KIAA0825: variants seen among roughly 807,000 people sequenced by gnomAD.
KIAA0825 encodes KIAA0825, also known as uncharacterized protein KIAA0825.
KIAA0825 carries 119 observed loss-of-function variants against 147.6 expected under a neutral mutation model. The observed-to-expected ratio is 0.81, with a 90% CI of 0.69 to 0.94. KIAA0825 has a LOEUF of 0.94. Ranked by LOEUF, KIAA0825 falls within the 40% of genes least tolerant of loss-of-function variation. The probability of loss-of-function intolerance (pLI) is 0.00; values close to 1 mark genes in which losing one functional copy is unlikely to be tolerated. For missense variants in KIAA0825, 1,381 were observed against 1,472.7 expected (o/e 0.94, Z 1.02); for synonymous variants, 470 against 518.1 (o/e 0.91, Z 1.26).
chr5:94,237,212 G>A (rs1053957164), intron 20 of KIAA0825, among the ~76,000 whole-genome samples: 3 of 152,076 alleles, frequency 2.0e-5, no homozygotes, highest in African/African-American at 7.2e-5. Flanking sequence ...ACAATCCGTA[G>A]GTATACTTTC....
intron 18 of KIAA0825, among the ~76,000 whole-genome samples, chr5:94,388,147 A>T (rs986588780): frequency 2.6e-5 from 4 of 152,142 alleles, no homozygotes; most frequent in African/African-American, 9.7e-5. Context: ...TTAGATTCTC[A>T]TAAGGAACAC....
At chr5:94,489,222 C>T (rs138852805) in intron 5 of KIAA0825, among the ~76,000 whole-genome samples, 2 of 152,244 alleles carry the variant, frequency 1.3e-5, no homozygotes, top group East Asian at 1.9e-4. Flanking sequence ...ATTCAGTTCA[C>T]GTAGTCACAG....
chr5:94,357,921 A>T (rs1744514538), intron 20 of KIAA0825, among the ~76,000 whole-genome samples: 2 of 152,164 alleles, frequency 1.3e-5, no homozygotes, highest in Admixed American at 1.3e-4. Flanking sequence ...ATTAAAAAAA[A>T]AAAAAAGCTT....
chr5:94,243,633 T>C, intron 20 of KIAA0825, among the ~76,000 whole-genome samples: 1 of 152,298 alleles, frequency 6.6e-6, no homozygotes, highest in South Asian at 2.1e-4. Flanking sequence ...TTCCCTGAAT[T>C]ACTGTCACAT....
intron 14 of KIAA0825, among the ~76,000 whole-genome samples, chr5:94,429,614 G>A (rs2150779026): frequency 6.6e-6 from 1 of 152,254 alleles, no homozygotes; most frequent in South Asian, 2.1e-4. Flanking sequence ...GTTACCTCAG[G>A]CAATGGGTTG....
intron 6 of KIAA0825, among the ~76,000 whole-genome samples, chr5:94,482,857 C>T (rs1450683684): frequency 6.6e-6 from 1 of 152,026 alleles, no homozygotes; most frequent in African/African-American, 2.4e-5. Context: ...ATTCCTTCTA[C>T]ATCCTGTGTT....
chr5:94,608,451 G>GTATATATATAT (rs1787923524), intron 1 of KIAA0825, among the ~76,000 whole-genome samples: 1 of 4,596 alleles, frequency 2.2e-4, no homozygotes. Flanking sequence ...ATGTGTGTGT[G>GTATATATATAT]TATATATATA....
chr5:94,354,056 C>T (rs1783990613), intron 20 of KIAA0825, among the ~76,000 whole-genome samples: 1 of 152,234 alleles, frequency 6.6e-6, no homozygotes, highest in Admixed American at 6.5e-5. Flanking sequence ...CATTCCCTTT[C>T]TATTAAATTT....
intron 20 of KIAA0825, among the ~76,000 whole-genome samples, chr5:94,328,590 A>G (rs1780941693): frequency 6.6e-6 from 1 of 152,132 alleles, no homozygotes; most frequent in Non-Finnish European, 1.5e-5. Context: ...ATAAAGTCAT[A>G]TGATCAATTT....
intron 2 of KIAA0825, among the ~76,000 whole-genome samples, chr5:94,563,554 A>G (rs1363705673): frequency 6.6e-6 from 1 of 152,244 alleles, no homozygotes; most frequent in African/African-American, 2.4e-5. Context: ...TAAGTTGTAG[A>G]GAAATATTAG....
chr5:94,593,681 T>C, intron 1 of KIAA0825: 1 of 403,854 alleles, frequency 2.5e-6, no homozygotes, highest in African/African-American at 2.1e-5. Context: ...TCATGTCTGA[T>C]TAAAAGAGTT....
chr5:94,493,578 C>T (rs534940015), intron 5 of KIAA0825, among the ~76,000 whole-genome samples: 95 of 152,228 alleles, frequency 6.2e-4, no homozygotes, highest in Admixed American at 1.3e-3. Flanking sequence ...AGCTCCACCC[C>T]GCCGGGTTCA....
At chr5:94,406,684 G>GT (rs1477777621) in intron 15 of KIAA0825, among the ~76,000 whole-genome samples, 2 of 152,176 alleles carry the variant, frequency 1.3e-5, no homozygotes, top group Non-Finnish European at 2.9e-5. Context: ...CTGAATCTTG[G>GT]TAAAAACAGT....
intron 2 of KIAA0825, among the ~76,000 whole-genome samples, chr5:94,544,019 T>C (rs1252523856): frequency 4.6e-5 from 7 of 152,222 alleles, no homozygotes; most frequent in Admixed American, 4.6e-4. Flanking sequence ...GCCATTCTTT[T>C]ATTCCTCTAC....
intron 1 of KIAA0825, among the ~76,000 whole-genome samples, chr5:94,597,881 G>C (rs1281400304): frequency 6.6e-6 from 1 of 152,076 alleles, no homozygotes; most frequent in African/African-American, 2.4e-5. Context: ...AAAAGGTATG[G>C]TAAAAATATA....
chr5:94,392,618 G>A (rs1198599561), intron 17 of KIAA0825, among the ~76,000 whole-genome samples: 1 of 152,094 alleles, frequency 6.6e-6, no homozygotes, highest in Admixed American at 6.6e-5. Flanking sequence ...GTTTTCCACT[G>A]TTTCCAAGAC....
At chr5:94,348,863 A>G (rs1484820516) in intron 20 of KIAA0825, among the ~76,000 whole-genome samples, 1 of 152,198 alleles carries the variant, frequency 6.6e-6, no homozygotes, top group African/African-American at 2.4e-5. Context: ...GACCTATAAA[A>G]CAAAAATACA....
intron 20 of KIAA0825, among the ~76,000 whole-genome samples, chr5:94,213,612 C>T (rs1332496047): frequency 6.6e-6 from 1 of 152,196 alleles, no homozygotes; most frequent in South Asian, 2.1e-4. Context: ...TCTACTTAGC[C>T]CTTCGACTTT....
intron 5 of KIAA0825, chr5:94,519,251 C>A (rs913609656): frequency 1.1e-6 from 1 of 887,378 alleles, no homozygotes. Context: ...AAGATACGCA[C>A]AAGTATAGTG....
Sources: allele counts gnomAD v4.1 joint callset (sites outside exome capture counted in the v4.1 genomes callset), GRCh38; gene constraint gnomAD v4.1.1; transcripts MANE v1.5; gene names NCBI Gene and HGNC (gene_info 2026-07-23, HGNC 2026-07-21).